FASTKD2: variants seen among roughly 807,000 people sequenced by gnomAD.
FASTKD2 encodes the protein FAST kinase domain-containing protein 2, mitochondrial.
FASTKD2 carries 51 observed loss-of-function variants against 63.6 expected under a neutral mutation model. The ratio of observed to expected loss-of-function variants is 0.80; its 90% CI spans 0.64 to 1.01. The LOEUF is 1.01. FASTKD2 is among the 50% of genes least tolerant of loss of function. FASTKD2 has a pLI of 0.00. For synonymous variants in FASTKD2, 284 were observed against 293.4 expected (o/e 0.97, Z 0.33); for missense variants, 786 against 831.1 (o/e 0.95, Z 0.67).
At chr2:206,768,381 T>C (rs1689581905) in intron 2 of FASTKD2, among the ~76,000 whole-genome samples, 1 of 152,156 alleles carries the variant, frequency 6.6e-6, no homozygotes, top group African/African-American at 2.4e-5. Context: ...AGTGTACACT[T>C]CTGACGTATA....
In FASTKD2 at chr2:206,770,039, A is replaced by G. The variant is rs1574662974; in HGVS notation, c.778-52A>G. The G allele has an allele frequency of 1.5e-5, 18 of 1,164,618 alleles. No individual in the cohort carries two copies. In the East Asian group the frequency reaches 4.2e-4, roughly 27 times the overall value. 72.1% of individuals were successfully genotyped at this position (1,164,618 alleles called of 1,614,324 possible). ...TTCAGTGGTTTTGCTTGGGTAAGAT[A>G]GTTTACTATGGGCTCATCACCTGTA... On this transcript the variant is annotated intron_variant, in intron 2 of 11. Coordinates refer to ENST00000402774, the MANE Select transcript of FASTKD2 (RefSeq NM_001136193.2).
intron 11 of FASTKD2, 28 bp downstream of exon 11, chr2:206,790,714 C>G: frequency 8.1e-7 from 1 of 1,241,148 alleles, no homozygotes; most frequent in East Asian, 2.3e-5. Context: ...ATGAAATATT[C>G]TTTAATTACT....
At chr2:206,780,365 A>G (rs929336209) in intron 7 of FASTKD2, among the ~76,000 whole-genome samples, 4 of 152,240 alleles carry the variant, frequency 2.6e-5, no homozygotes, top group African/African-American at 7.2e-5. Context: ...GGTTTTGCCA[A>G]GTATAGGATT....
Position 206,765,624 on chromosome 2 carries a change from C to A in FASTKD2, c.-174C>A, listed in dbSNP as rs1689412223. The A allele has an allele frequency of 5.1e-6, 4 of 784,664 alleles. No homozygotes were observed. In the South Asian group the frequency reaches 1.9e-4, roughly 37 times the overall value. The allele number at this position is 784,664 out of a possible 1,614,324, so 48.6% of individuals were successfully genotyped here. On this transcript the variant is annotated 5_prime_UTR_variant, in exon 1 of 12. Coordinates refer to ENST00000402774, the MANE Select transcript of FASTKD2 (RefSeq NM_001136193.2). ...TCTCGGGGAAGCTGTCATGGCTGCTCCTGTACGTAGTCACGGTCTTGTGCT... is the reference window on the plus strand; with the variant it reads ...TCTCGGGGAAGCTGTCATGGCTGCTACTGTACGTAGTCACGGTCTTGTGCT...
At position 206,788,181 on chromosome 2, in the gene FASTKD2, T is replaced by G. The variant is rs189761206; in HGVS notation, c.1813+26T>G. ...GTATGGGACATTATATGATTTCCTT[T>G]CATTTTATTGTATTTATTTTCCTTT... is the stretch of plus-strand genomic sequence containing the variant. On this transcript the variant is annotated intron_variant, in intron 9 of 11. Coordinates refer to ENST00000402774, the MANE Select transcript of FASTKD2 (RefSeq NM_001136193.2). 2,639 of 1,467,022 alleles carry G rather than the reference T, an allele frequency of 1.8e-3. 8 individuals are homozygous for G. The highest frequency in any genetic ancestry group is 0.012 in the Middle Eastern group (69 of 5,776). 90.9% of individuals were successfully genotyped at this position (1,467,022 alleles called of 1,614,324 possible).
At position 206,787,454 on chromosome 2, in the gene FASTKD2, T is replaced by C. The variant is rs180741983; in HGVS notation, c.1595-483T>C. Reference sequence around the variant, plus strand: ...CAGGTAGATGTACAAAATTTGACGATGTGTCTGAGAATAGAGTAGTTCAGA... The same window carrying C: ...CAGGTAGATGTACAAAATTTGACGACGTGTCTGAGAATAGAGTAGTTCAGA... On this transcript the variant is annotated intron_variant, in intron 8 of 11. Transcript: ENST00000402774. Among the ~76,000 whole-genome samples the C allele has an allele frequency of 5.2e-3, 795 of 152,340 alleles. 6 individuals are homozygous for C. The highest frequency in any genetic ancestry group is 6.2e-3 in the Non-Finnish European group (423 of 68,026).
intron 10 of FASTKD2, chr2:206,789,299 C>T (rs879733314): frequency 3.8e-4 from 69 of 179,940 alleles, no homozygotes; most frequent in Admixed American, 3.7e-3. Context: ...GCTCTACCAC[C>T]AAGACTTTTC....
intron 9 of FASTKD2, 148 bp downstream of exon 9, chr2:206,788,303 T>C: frequency 3.3e-6 from 2 of 608,042 alleles, no homozygotes; most frequent in Admixed American, 2.9e-5. Context: ...AAAATTCTTG[T>C]GACCAATAAA....
chr2:206,786,028 C>A (rs1574673682), intron 7 of FASTKD2, among the ~76,000 whole-genome samples: 3 of 152,184 alleles, frequency 2.0e-5, no homozygotes, highest in Non-Finnish European at 4.4e-5. Flanking sequence ...TGTTTATTTT[C>A]TTTCCTCTGC....
At chr2:206,780,845 T>A (rs919198466) in intron 7 of FASTKD2, among the ~76,000 whole-genome samples, 2 of 152,196 alleles carry the variant, frequency 1.3e-5, no homozygotes, top group Non-Finnish European at 2.9e-5. Flanking sequence ...TCACATGACC[T>A]GCTTCAAATT....
intron 5 of FASTKD2, 62 bp downstream of exon 5, chr2:206,772,079 T>C: frequency 2.5e-6 from 4 of 1,605,070 alleles, no homozygotes; most frequent in Middle Eastern, 1.7e-4. Flanking sequence ...ACTATTTTTG[T>C]TTTGTTTTAA....
At chr2:206,787,906 TTAA>T in intron 8 of FASTKD2, 28 bp from the exon 9 acceptor site, 2 of 1,256,576 alleles carry the variant, frequency 1.6e-6, no homozygotes, top group Non-Finnish European at 2.3e-6. Context: ...TTATTTCTTC[TTAA>T]TGATATACTC....
At position 206,781,673 on chromosome 2, in the gene FASTKD2, C is replaced by CTT. The variant is rs59970556; in HGVS notation, c.1428-5044_1428-5043dup. ...TTTACTGGTTTCTTTTTTTTAATTT[C>CTT]TTTTTTTTTTTTTTTTTCCAGTATC... is the stretch of plus-strand genomic sequence containing the variant. On this transcript the variant is annotated intron_variant, in intron 7 of 11. Transcript: ENST00000402774. Among the ~76,000 whole-genome samples the CTT allele has an allele frequency of 4.5e-3, 586 of 130,474 alleles. 6 individuals are homozygous for CTT. The highest frequency in any genetic ancestry group is 0.012 in the South Asian group (46 of 3,892). 85.6% of individuals were successfully genotyped at this position (130,474 alleles called of 152,430 possible).
In FASTKD2 at chr2:206,795,906, G is replaced by T. The variant is rs1690437839; in HGVS notation, c.*4104G>T. Among the ~76,000 whole-genome samples, 1 of 152,116 alleles carries T rather than the reference G, an allele frequency of 6.6e-6. No homozygotes were observed. The highest frequency in any genetic ancestry group is 2.4e-5 in the African/African-American group (1 of 41,416). The stretch of plus-strand genomic sequence containing the variant: ...ATCTTCATGACTTTCCAGCTTCCAG[G>T]CTGTAAGCAGAGATAGCATCTCTTC... On this transcript the variant is annotated 3_prime_UTR_variant, in exon 12 of 12. Coordinates refer to ENST00000402774, the MANE Select transcript of FASTKD2 (RefSeq NM_001136193.2).
rs781167145 is a variant in FASTKD2 at position 206,765,686 on chromosome 2, A to G, written c.-112A>G. 6.0e-4 allele frequency: 140 copies of G among 232,106 alleles called. No homozygotes were observed. Among genetic ancestry groups the G allele is most frequent in the Non-Finnish European group, 8.7e-4 (121 of 138,828 alleles). The allele number at this position is 232,106 out of a possible 1,614,324, so 14.4% of individuals were successfully genotyped here. A position where few individuals can be genotyped will look rare whatever the true frequency, so the allele number is the denominator to read the frequency against. The stretch of plus-strand genomic sequence containing the variant: ...GGAGGACGAGCTTGGGCTTAGCGGC[A>G]GCCCGTATCACATCCTAGACTTTTT... On this transcript the variant is annotated 5_prime_UTR_variant, in exon 1 of 12. Transcript: ENST00000402774.
intron 7 of FASTKD2, among the ~76,000 whole-genome samples, 190 bp downstream of exon 7, chr2:206,774,587 G>A (rs767365819): frequency 6.6e-6 from 1 of 151,800 alleles, no homozygotes; most frequent in East Asian, 1.9e-4. Flanking sequence ...GCTGCCCTTT[G>A]TCTTGTTTGT....
At chr2:206,779,495 A>AG (rs1318410407) in intron 7 of FASTKD2, among the ~76,000 whole-genome samples, 1 of 152,166 alleles carries the variant, frequency 6.6e-6, no homozygotes, top group African/African-American at 2.4e-5. Context: ...CGGAAGGCAA[A>AG]GGGGAAGCAG....
chr2:206,788,032 C>T lies in FASTKD2; in HGVS notation c.1690C>T (p.Gln564Ter), dbSNP rs755068980. 4 of 1,613,546 alleles carry T rather than the reference C, an allele frequency of 2.5e-6. No homozygotes were observed. The Admixed American group carries it at 5.0e-5, about 20-fold the overall frequency. Residue 564 changes from glutamine to a stop codon, truncating the protein, a stop_gained, in exon 9 of 12, where the codon CAG (glutamine) becomes TAG (stop). Transcript: ENST00000402774. LOFTEE classifies it high-confidence loss of function. ...YLRDIALSLP[Q>*]LPRELPSSHT... ...GAGGGACATAGCCTTGTCACTCCCA[C>T]AGCTGCCGCGGGAGCTGCCATCGTC...
chr2:206,792,362 A>G lies in FASTKD2; in HGVS notation c.*560A>G, dbSNP rs556690060. On this transcript the variant is annotated 3_prime_UTR_variant, in exon 12 of 12. Coordinates refer to ENST00000402774, the MANE Select transcript of FASTKD2 (RefSeq NM_001136193.2). ...AGGTAGAGATATTTCATGGGTTATA[A>G]TAAGAGAAACACAGATGAGATGTAG... The G allele has an allele frequency of 1.4e-4, 22 of 157,002 alleles. No individual in the cohort carries two copies. In the South Asian group the frequency reaches 2.5e-3, roughly 18 times the overall value. The allele number at this position is 157,002 out of a possible 1,614,324, so 9.7% of individuals were successfully genotyped here.
Sources: gnomAD v4.1 joint callset for allele counts (sites outside exome capture counted in the v4.1 genomes callset) on GRCh38, gnomAD v4.1.1 for gene constraint, MANE v1.5 for transcripts, NCBI Gene and HGNC (gene_info 2026-07-23, HGNC 2026-07-21) for gene names.